NPEPPS: variants seen among roughly 807,000 people sequenced by gnomAD.
NPEPPS encodes the protein puromycin-sensitive aminopeptidase.
A neutral mutation model predicts 115.5 loss-of-function variants in NPEPPS; 14 were observed. The observed-to-expected ratio is 0.12, with a 90% CI of 0.08 to 0.19. NPEPPS has a LOEUF of 0.19. NPEPPS is among the 10% of genes least tolerant of loss of function. The pLI is 1.00. For synonymous variants in NPEPPS, 285 were observed against 390.6 expected (o/e 0.73, Z 3.19); for missense variants, 523 against 1,110.8 (o/e 0.47, Z 7.52).
At chr17:47,591,450 A>G (rs1912498767) in intron 10 of NPEPPS, among the ~76,000 whole-genome samples, 1 of 152,120 alleles carries the variant, frequency 6.6e-6, no homozygotes, top group Admixed American at 6.6e-5. Flanking sequence ...ATGTCAAGGA[A>G]AATTCTGGAC....
chr17:47,544,286 C>T (rs1261084883), intron 1 of NPEPPS, among the ~76,000 whole-genome samples: 1 of 152,090 alleles, frequency 6.6e-6, no homozygotes, highest in African/African-American at 2.4e-5. Context: ...GATCTGCCTG[C>T]CTGACCCTCC....
chr17:47,603,343 T>C (rs913571513), intron 15 of NPEPPS, among the ~76,000 whole-genome samples: 9 of 151,408 alleles, frequency 5.9e-5, no homozygotes, highest in African/African-American at 2.2e-4. Flanking sequence ...ACCTGGGAGG[T>C]GAAAGTTGCA....
At chr17:47,597,679 A>G (rs1358530084) in intron 13 of NPEPPS, among the ~76,000 whole-genome samples, 1 of 152,158 alleles carries the variant, frequency 6.6e-6, no homozygotes, top group African/African-American at 2.4e-5. Context: ...AAAGCCAAGT[A>G]TGTTTTACAA....
chr17:47,571,545 T>C (rs1330192199), intron 3 of NPEPPS, among the ~76,000 whole-genome samples: 1 of 152,014 alleles, frequency 6.6e-6, no homozygotes, highest in Non-Finnish European at 1.5e-5. Context: ...GGTGAAACCC[T>C]GTCTCTACTA....
intron 15 of NPEPPS, 164 bp from the exon 16 acceptor site, chr17:47,603,751 C>T: frequency 2.0e-6 from 1 of 498,322 alleles, no homozygotes; most frequent in Non-Finnish European, 3.4e-6. Context: ...TGCATTCATT[C>T]TGTCTTGATG....
chr17:47,575,175 C>G (rs1421404289), intron 3 of NPEPPS, among the ~76,000 whole-genome samples: 2 of 152,196 alleles, frequency 1.3e-5, no homozygotes, highest in South Asian at 4.1e-4. Context: ...CGTCTTCTTT[C>G]TCAGCTCCAT....
intron 3 of NPEPPS, among the ~76,000 whole-genome samples, chr17:47,572,170 T>A (rs986988775): frequency 6.6e-6 from 1 of 151,976 alleles, no homozygotes; most frequent in African/African-American, 2.4e-5. Context: ...ATCTCAGCAT[T>A]TTTGGAGGCT....
upstream of NPEPPS, among the ~76,000 whole-genome samples, chr17:47,530,229 C>T (rs1244804491): frequency 6.7e-6 from 1 of 149,952 alleles, no homozygotes; most frequent in African/African-American, 2.5e-5. Flanking sequence ...AGGCGTGAGC[C>T]ACCGCGACCG....
At chr17:47,573,820 A>C (rs1393497576) in intron 3 of NPEPPS, among the ~76,000 whole-genome samples, 1 of 152,226 alleles carries the variant, frequency 6.6e-6, no homozygotes, top group Non-Finnish European at 1.5e-5. Context: ...AGTAGGGCCT[A>C]GTGTTGAGCA....
chr17:47,529,228 A>G (rs2611988), upstream of NPEPPS, among the ~76,000 whole-genome samples: 1 of 152,024 alleles, frequency 6.6e-6, no homozygotes, highest in Non-Finnish European at 1.5e-5. Context: ...TAACATTTTT[A>G]AAATTGTTAT....
intron 1 of NPEPPS, among the ~76,000 whole-genome samples, chr17:47,535,829 ATTC>A (rs1690427316): frequency 1.6e-5 from 2 of 125,174 alleles, no homozygotes; most frequent in East Asian, 2.4e-4. Flanking sequence ...ATAATTGGGT[ATTC>A]TTTTTTTTTT....
chr17:47,596,470 T>A lies in NPEPPS; in HGVS notation c.1536+8T>A, dbSNP rs200604778. Reference sequence around the variant, plus strand: ...TATGTGGAAGCTGAACAGGTAAACATATAAAGTCTTTCCATTTGTCTGATA... The same window carrying A: ...TATGTGGAAGCTGAACAGGTAAACAAATAAAGTCTTTCCATTTGTCTGATA... On this transcript the variant is annotated splice_region_variant and intron_variant, in intron 13 of 22. Transcript: ENST00000322157. The A allele has an allele frequency of 8.7e-4, 1,321 of 1,510,144 alleles. 2 individuals carry two copies. The highest frequency in any genetic ancestry group is 2.1e-3 in the Admixed American group (106 of 51,694). 93.5% of individuals were successfully genotyped at this position (1,510,144 alleles called of 1,614,324 possible).
chr17:47,618,916 G>A (rs1914371065), intron 20 of NPEPPS, 93 bp from the exon 21 acceptor site: 4 of 1,091,500 alleles, frequency 3.7e-6, no homozygotes, highest in Non-Finnish European at 5.4e-6. Flanking sequence ...AGTGTCTTCA[G>A]TGTGATTACT....
intron 18 of NPEPPS, among the ~76,000 whole-genome samples, chr17:47,613,020 C>G (rs1277358591): frequency 6.6e-6 from 1 of 152,020 alleles, no homozygotes; most frequent in African/African-American, 2.4e-5. Context: ...AAGAACTGAC[C>G]CACAAACCAC....
chr17:47,549,310 C>T (rs1334626853), intron 2 of NPEPPS, among the ~76,000 whole-genome samples: 1 of 151,942 alleles, frequency 6.6e-6, no homozygotes, highest in East Asian at 1.9e-4. Context: ...CCACTGCACG[C>T]CAGCCTGGGT....
At chr17:47,556,411 A>AT (rs1296437644) in intron 2 of NPEPPS, among the ~76,000 whole-genome samples, 1 of 152,128 alleles carries the variant, frequency 6.6e-6, no homozygotes, top group Non-Finnish European at 1.5e-5. Flanking sequence ...AAGGTCATAG[A>AT]TCAACAGCAT....
At chr17:47,595,011 A>C (rs1912772711) in intron 12 of NPEPPS, among the ~76,000 whole-genome samples, 1 of 150,404 alleles carries the variant, frequency 6.6e-6, no homozygotes, top group Admixed American at 6.7e-5. Flanking sequence ...CTTCGTTGCA[A>C]CCTCCGCCTC....
At chr17:47,565,014 ATACT>A (rs1910709602) in intron 2 of NPEPPS, among the ~76,000 whole-genome samples, 1 of 152,198 alleles carries the variant, frequency 6.6e-6, no homozygotes, top group African/African-American at 2.4e-5. Context: ...CATTCTACAG[ATACT>A]TACTGAACAC....
At chr17:47,534,374 C>T (rs894300908) in intron 1 of NPEPPS, among the ~76,000 whole-genome samples, 3 of 152,066 alleles carry the variant, frequency 2.0e-5, no homozygotes, top group Admixed American at 6.5e-5. Context: ...CCACTGTGCC[C>T]GGCGACAAAA....
Sources: allele counts gnomAD v4.1 joint callset (sites outside exome capture counted in the v4.1 genomes callset), GRCh38; gene constraint gnomAD v4.1.1; transcripts MANE v1.5; gene names NCBI Gene and HGNC (gene_info 2026-07-23, HGNC 2026-07-21).